The following ADAM29 variants were observed in gnomAD, a reference collection of about 807,000 sequenced individuals.
The protein encoded by ADAM29 is ADAM metallopeptidase domain 29.
For synonymous variants in ADAM29, 367 were observed against 342.3 expected (o/e 1.07, Z -0.80); for missense variants, 969 against 1,001.8 (o/e 0.97, Z 0.44).
At chr4:174,948,823 T>C (rs550158054) in intron 4 of ADAM29, among the ~76,000 whole-genome samples, 1 of 152,166 alleles carries the variant, frequency 6.6e-6, no homozygotes, top group East Asian at 1.9e-4. Flanking sequence ...GTACCAGCAG[T>C]GGTGATGGCA....
intron 4 of ADAM29, among the ~76,000 whole-genome samples, chr4:174,949,921 T>C (rs1745075456): frequency 6.6e-6 from 1 of 152,164 alleles, no homozygotes; most frequent in Admixed American, 6.5e-5. Flanking sequence ...TCCTTGTCTA[T>C]GGATTATTAA....
chr4:174,948,975 G>C (rs1745009835), intron 4 of ADAM29, among the ~76,000 whole-genome samples: 2 of 152,162 alleles, frequency 1.3e-5, no homozygotes, highest in Non-Finnish European at 2.9e-5. Flanking sequence ...TGGAAAAGCT[G>C]CACGGGGAGT....
At chr4:174,927,164 A>T (rs1743568295) in intron 2 of ADAM29, among the ~76,000 whole-genome samples, 1 of 152,232 alleles carries the variant, frequency 6.6e-6, no homozygotes, top group South Asian at 2.1e-4. Context: ...GGTGTTAGGA[A>T]ATAGTACAGC....
intron 4 of ADAM29, among the ~76,000 whole-genome samples, chr4:174,965,853 G>A (rs551763979): frequency 2.0e-5 from 3 of 152,240 alleles, no homozygotes; most frequent in Non-Finnish European, 2.9e-5. Flanking sequence ...ATAACATTAT[G>A]CTGAAGATTA....
intron 4 of ADAM29, among the ~76,000 whole-genome samples, chr4:174,965,563 T>C (rs931736511): frequency 6.6e-6 from 1 of 152,092 alleles, no homozygotes; most frequent in Non-Finnish European, 1.5e-5. Context: ...TTATATATGA[T>C]TATAAGAAAC....
intron 4 of ADAM29, among the ~76,000 whole-genome samples, chr4:174,955,963 T>C (rs538159337): frequency 6.6e-6 from 1 of 152,202 alleles, no homozygotes; most frequent in South Asian, 2.1e-4. Context: ...GCATTTTGAT[T>C]ATGATACCCT....
At chr4:174,923,525 GTA>G (rs58980378) in intron 2 of ADAM29, among the ~76,000 whole-genome samples, 1,187 of 96,618 alleles carry the variant, frequency 0.012, 20 homozygotes, top group African/African-American at 0.031. Context: ...TGCATTATAT[GTA>G]TATATATATA....
chr4:174,932,546 C>T (rs1048294654), intron 3 of ADAM29, among the ~76,000 whole-genome samples: 3 of 152,106 alleles, frequency 2.0e-5, no homozygotes, highest in Non-Finnish European at 4.4e-5. Context: ...GCCCATAGGA[C>T]CCAATCACTC....
At chr4:174,963,171 TAGAC>T (rs757269798) in intron 4 of ADAM29, among the ~76,000 whole-genome samples, 22 of 152,148 alleles carry the variant, frequency 1.4e-4, no homozygotes, top group African/African-American at 2.4e-4. Flanking sequence ...AACTAAAAAA[TAGAC>T]AGACACATTA....
intron 2 of ADAM29, among the ~76,000 whole-genome samples, chr4:174,928,233 A>G (rs1279128918): frequency 1.3e-5 from 2 of 152,104 alleles, no homozygotes; most frequent in Non-Finnish European, 2.9e-5. Context: ...AAAGCAGAGG[A>G]GGCAGCCCTG....
chr4:174,930,022 G>C (rs1019464027), intron 2 of ADAM29, among the ~76,000 whole-genome samples: 8 of 152,056 alleles, frequency 5.3e-5, no homozygotes, highest in African/African-American at 1.9e-4. Flanking sequence ...TCTGCCTCCC[G>C]GGTTCACTCC....
rs752765246 is a variant in ADAM29 at position 174,975,543 on chromosome 4, G to A, written c.18G>A (p.Leu6=). ...TTTTGAACATGAAGATGTTACTCCT[G>A]CTGCATTGCCTTGGGGTGTTTCTGT... MKMLL[L]LHCLGVFLSC... is the part of the protein sequence containing the mutation. The change falls in exon 5 of 5, where the codon CTG becomes CTA. Residue 6 remains leucine (L), a synonymous_variant. Transcript: ENST00000359240. 13 of 1,513,454 alleles carry A rather than the reference G, an allele frequency of 8.6e-6. No homozygotes were observed. The highest frequency in any genetic ancestry group is 1.8e-4 in the Middle Eastern group (1 of 5,494). The allele number at this position is 1,513,454 out of a possible 1,614,324, so 93.8% of individuals were successfully genotyped here.
chr4:174,926,681 C>T (rs1743537118), intron 2 of ADAM29, among the ~76,000 whole-genome samples: 1 of 149,494 alleles, frequency 6.7e-6, no homozygotes, highest in Non-Finnish European at 1.5e-5. Flanking sequence ...CATGATCACA[C>T]CACTGCTCTC....
intron 2 of ADAM29, among the ~76,000 whole-genome samples, chr4:174,925,675 A>C (rs1055505642): frequency 3.3e-5 from 5 of 152,028 alleles, no homozygotes; most frequent in African/African-American, 1.2e-4. Context: ...AGCCAAAATT[A>C]AAATGCCAGG....
chr4:174,946,802 A>G (rs915799619), intron 4 of ADAM29, among the ~76,000 whole-genome samples: 1 of 152,070 alleles, frequency 6.6e-6, no homozygotes, highest in African/African-American at 2.4e-5. Flanking sequence ...TTTTTGGAAT[A>G]GTTTCATTAG....
intron 4 of ADAM29, among the ~76,000 whole-genome samples, chr4:174,948,274 T>C (rs1744966191): frequency 6.6e-6 from 1 of 152,192 alleles, no homozygotes; most frequent in Non-Finnish European, 1.5e-5. Flanking sequence ...GCTGGTTCTT[T>C]CTTATCTGTC....
intron 4 of ADAM29, among the ~76,000 whole-genome samples, chr4:174,940,505 T>C (rs1311616994): frequency 6.6e-6 from 1 of 151,980 alleles, no homozygotes; most frequent in Non-Finnish European, 1.5e-5. Flanking sequence ...TGCTTTTTTA[T>C]ACAGATCAGA....
chr4:174,931,331 T>TG (rs1315842418), intron 3 of ADAM29, 157 bp downstream of exon 3: 35 of 152,248 alleles, frequency 2.3e-4, no homozygotes, highest in African/African-American at 8.4e-4. Context: ...AATACATGTT[T>TG]GGTTTATTGA....
rs183861649 is a variant in ADAM29 at position 174,945,673 on chromosome 4, G to A, written c.-181+8660G>A. Among the ~76,000 whole-genome samples the A allele has an allele frequency of 5.9e-5, 9 of 152,224 alleles. No homozygotes were observed. In the East Asian group the frequency reaches 1.7e-3, roughly 29 times the overall value. Reference sequence around the variant, plus strand: ...TTATCTCGAGTTGATTTTTGTATATGGTGTAAGGAAGGGGACCAGTTTCAA... The same window carrying A: ...TTATCTCGAGTTGATTTTTGTATATAGTGTAAGGAAGGGGACCAGTTTCAA... On this transcript the variant is annotated intron_variant, in intron 4 of 4. Transcript: ENST00000359240.
Sources: gnomAD v4.1 joint callset for allele counts (sites outside exome capture counted in the v4.1 genomes callset) on GRCh38, gnomAD v4.1.1 for gene constraint, MANE v1.5 for transcripts, NCBI Gene and HGNC (gene_info 2026-07-23, HGNC 2026-07-21) for gene names.